Variants in FRYL observed in about 807,000 individuals in gnomAD.
The protein encoded by FRYL is protein furry homolog-like.
FRYL carries 150 observed loss-of-function variants against 351.2 expected under a neutral mutation model. The observed-to-expected ratio is 0.43, with a 90% confidence interval of 0.37 to 0.49. FRYL has a LOEUF of 0.49. FRYL is among the 20% of genes least tolerant of loss of function. The pLI is 0.00. For missense variants in FRYL, 3,036 were observed against 3,619.3 expected (o/e 0.84, Z 4.13); for synonymous variants, 1,153 against 1,257.1 (o/e 0.92, Z 1.75).
At position 48,547,783 on chromosome 4, in the gene FRYL, T is replaced by G. The variant is rs746425489; in HGVS notation, c.4889-14A>C. ...AGTGGTCAAACCCTAAAAAGGATAG[T>G]AGAGAAACATTATCAATAAAGAGAA... On this transcript the variant is annotated splice_polypyrimidine_tract_variant and intron_variant, in intron 40 of 63. Transcript: ENST00000358350. 1.4e-6 allele frequency: 2 copies of G among 1,404,770 alleles called. No individual in the cohort carries two copies. The highest frequency in any genetic ancestry group is 3.7e-5 in the South Asian group (2 of 54,752). The allele number at this position is 1,404,770 out of a possible 1,614,324, so 87.0% of individuals were successfully genotyped here. A position where few individuals can be genotyped will look rare whatever the true frequency, so the allele number is the denominator to read the frequency against.
chr4:48,537,946 T>C (rs1270736285), intron 47 of FRYL, among the ~76,000 whole-genome samples: 1 of 152,188 alleles, frequency 6.6e-6, no homozygotes, highest in Non-Finnish European at 1.5e-5. Context: ...CAATATACAC[T>C]TTCCCCCTTA....
At chr4:48,708,121 G>A (rs529002698) in intron 2 of FRYL, among the ~76,000 whole-genome samples, 1 of 151,108 alleles carries the variant, frequency 6.6e-6, no homozygotes, top group South Asian at 2.1e-4. Context: ...CACCTGGCCT[G>A]TATTTCTTTT....
In FRYL at chr4:48,540,000, A is replaced by G; in HGVS notation, c.6364T>C (p.Cys2122Arg). ...GCTATTCGACTAGCTGTTTCTTTGC[A>G]AAACTGAGTTGGGCTGTCAAAATGC... ...IQHFDSPTQFCKETASRIAKV... is the reference protein window; with the variant it reads ...IQHFDSPTQFRKETASRIAKV... The change falls in exon 47 of 64, where the codon TGC (cysteine) becomes CGC (arginine). Residue 2122 changes from cysteine to arginine, a missense_variant. Around this residue, in one of 7 missense-constraint regions of FRYL, gnomAD observed 1,987 missense variants for 2,311.7 expected, o/e 0.86. Transcript: ENST00000358350. 2 of 1,613,234 alleles carry G rather than the reference A, an allele frequency of 1.2e-6. No homozygotes were observed. The highest frequency in any genetic ancestry group is 1.7e-6 in the Non-Finnish European group (2 of 1,179,512).
intron 7 of FRYL, among the ~76,000 whole-genome samples, chr4:48,610,815 A>G (rs1748011109): frequency 6.7e-6 from 1 of 148,394 alleles, no homozygotes; most frequent in Admixed American, 6.8e-5. Context: ...ATATGTATAT[A>G]TGTATACACT....
chr4:48,633,893 T>C (rs994173895), intron 4 of FRYL, among the ~76,000 whole-genome samples: 1 of 152,152 alleles, frequency 6.6e-6, no homozygotes. Flanking sequence ...GTGTTTGTTT[T>C]CAGTCTTTCT....
At chr4:48,526,021 G>C (rs1442288305) in intron 53 of FRYL, among the ~76,000 whole-genome samples, 2 of 152,028 alleles carry the variant, frequency 1.3e-5, no homozygotes, top group African/African-American at 4.8e-5. Flanking sequence ...GAATGTGTAT[G>C]AGCTGTATAT....
chr4:48,729,538 GAGGA>G (rs1770492557), intron 1 of FRYL, among the ~76,000 whole-genome samples: 1 of 152,182 alleles, frequency 6.6e-6, no homozygotes, highest in Non-Finnish European at 1.5e-5. Context: ...GAAGCTTCTA[GAGGA>G]AGGATCAGGC....
chr4:48,501,070 A>T (rs1402153195), intron 62 of FRYL, among the ~76,000 whole-genome samples: 3 of 141,342 alleles, frequency 2.1e-5, no homozygotes, highest in Non-Finnish European at 4.6e-5. Flanking sequence ...TGGGCAAAAG[A>T]AGGAGACTCT....
chr4:48,650,844 C>T (rs1440196550), intron 3 of FRYL, among the ~76,000 whole-genome samples: 4 of 152,090 alleles, frequency 2.6e-5, no homozygotes, highest in Non-Finnish European at 5.9e-5. Context: ...GAGGCCTGAA[C>T]TAGGATAGTG....
At chr4:48,600,941 A>G (rs1175752964) in intron 13 of FRYL, among the ~76,000 whole-genome samples, 2 of 152,226 alleles carry the variant, frequency 1.3e-5, no homozygotes, top group African/African-American at 4.8e-5. Flanking sequence ...AGTAATATCA[A>G]CGTTTATCTA....
At chr4:48,753,809 G>A (rs74684782) in intron 1 of FRYL, among the ~76,000 whole-genome samples, 1,800 of 151,940 alleles carry the variant, frequency 0.012, 28 homozygotes, top group Admixed American at 0.035. Flanking sequence ...TTTTATGTAT[G>A]GTATGAGAAA....
chr4:48,679,524 A>G (rs1334868292), intron 3 of FRYL, among the ~76,000 whole-genome samples: 1 of 152,064 alleles, frequency 6.6e-6, no homozygotes, highest in Non-Finnish European at 1.5e-5. Context: ...AAAATAGGAG[A>G]ATCTAGGAAG....
chr4:48,727,526 G>C (rs1170161418), intron 1 of FRYL: 1 of 152,174 alleles, frequency 6.6e-6, no homozygotes, highest in Non-Finnish European at 1.5e-5. Context: ...ATCAGTGTAA[G>C]AAAGTCTGAG....
In FRYL at chr4:48,570,295, G is replaced by A. The variant is rs115240395; in HGVS notation, c.2996+532C>T. 1.7e-3 allele frequency among the ~76,000 whole-genome samples: 256 copies of A among 152,174 alleles called. 2 individuals are homozygous for A. The highest frequency in any genetic ancestry group is 5.9e-3 in the African/African-American group (247 of 41,520). On this transcript the variant is annotated intron_variant, in intron 27 of 63. Coordinates refer to ENST00000358350, the MANE Select transcript of FRYL (RefSeq NM_015030.2). Reference sequence around the variant, plus strand: ...CTTAGTGTGAAGATGCCTTTACTGCGGCAATATCTCCAGGTTTCATGGTTT... The same window carrying A: ...CTTAGTGTGAAGATGCCTTTACTGCAGCAATATCTCCAGGTTTCATGGTTT...
At chr4:48,739,108 A>C (rs1771759648) in intron 1 of FRYL, among the ~76,000 whole-genome samples, 2 of 152,124 alleles carry the variant, frequency 1.3e-5, no homozygotes, top group Admixed American at 6.6e-5. Flanking sequence ...ATTCACATAA[A>C]TGTATCAACT....
At chr4:48,662,406 C>T (rs556630137) in intron 3 of FRYL, among the ~76,000 whole-genome samples, 1 of 151,830 alleles carries the variant, frequency 6.6e-6, no homozygotes, top group South Asian at 2.1e-4. Flanking sequence ...GAGCGAGACC[C>T]TGTCTCTAAA....
At chr4:48,632,964 T>C (rs1315395631) in intron 4 of FRYL, among the ~76,000 whole-genome samples, 1 of 152,200 alleles carries the variant, frequency 6.6e-6, no homozygotes, top group African/African-American at 2.4e-5. Flanking sequence ...GCCAATATAT[T>C]ATTGTGCCTA....
intron 3 of FRYL, among the ~76,000 whole-genome samples, chr4:48,647,525 T>G (rs1330507610): frequency 6.6e-6 from 1 of 152,210 alleles, no homozygotes. Flanking sequence ...AATAAAATTT[T>G]AAAGCAAATT....
At chr4:48,576,921 C>A (rs146153757) in intron 23 of FRYL, among the ~76,000 whole-genome samples, 1 of 151,928 alleles carries the variant, frequency 6.6e-6, no homozygotes, top group African/African-American at 2.4e-5. Context: ...TTAATTTATA[C>A]GAATTAAATG....
Sources: allele counts gnomAD v4.1 joint callset (sites outside exome capture counted in the v4.1 genomes callset), GRCh38; gene constraint gnomAD v4.1.1; regional missense constraint gnomAD v4.1.1; transcripts MANE v1.5; gene names NCBI Gene and HGNC (gene_info 2026-07-23, HGNC 2026-07-21).